Variants in NALF1 observed in about 807,000 individuals in gnomAD.
NALF1 encodes the protein family with sequence similarity 155 member A.
Under a neutral mutation model 48.4 loss-of-function variants are expected in NALF1, and 3 were observed. The observed-to-expected ratio is 0.06, with a 90% CI of 0.03 to 0.16. The LOEUF is 0.16. Among genes scored for constraint, NALF1 ranks in the 10% least tolerant of loss-of-function variants. NALF1 has a pLI of 1.00. For missense variants in NALF1, 526 were observed against 571.5 expected, an observed-to-expected ratio of 0.92 and a Z score of 0.81; for synonymous variants, 262 against 245.7, an observed-to-expected ratio of 1.07 and a Z score of -0.62.
At chr13:107,235,019 AG>A (rs1410220674) in intron 1 of NALF1, among the ~76,000 whole-genome samples, 10 of 152,136 alleles carry the variant, frequency 6.6e-5, no homozygotes, top group African/African-American at 2.4e-4. Context: ...ATCCCCATTT[AG>A]CCTTCCTTTG....
chr13:107,783,163 G>A lies in NALF1; in HGVS notation c.915+82519C>T, dbSNP rs546816085. On this transcript the variant is annotated intron_variant, in intron 1 of 2. Transcript: ENST00000375915. ...TGGGAAGTGAGGAGCCCCTCTGCCC[G>A]GCCAGCCGCCCCGTCCGGGAGGGAG... is the stretch of plus-strand genomic sequence containing the variant. Among the ~76,000 whole-genome samples, 260 of 135,664 alleles carry A rather than the reference G, an allele frequency of 1.9e-3. 3 individuals are homozygous for A. The highest frequency in any genetic ancestry group is 6.6e-3 in the African/African-American group (241 of 36,484). 89.0% of individuals were successfully genotyped at this position (135,664 alleles called of 152,430 possible).
chr13:107,552,569 T>C (rs892484239), intron 1 of NALF1, among the ~76,000 whole-genome samples: 7 of 152,126 alleles, frequency 4.6e-5, no homozygotes, highest in Non-Finnish European at 1.0e-4. Context: ...TGTATTAACA[T>C]TCTCATAAGC....
chr13:107,257,015 TGGGGA>T (rs1880829994), intron 1 of NALF1, among the ~76,000 whole-genome samples: 1 of 152,102 alleles, frequency 6.6e-6, no homozygotes, highest in Admixed American at 6.5e-5. Context: ...TCCACATGGC[TGGGGA>T]GGCCTCAGGA....
intron 1 of NALF1, among the ~76,000 whole-genome samples, chr13:107,684,143 C>T (rs1056614828): frequency 1.3e-5 from 2 of 152,206 alleles, no homozygotes; most frequent in African/African-American, 4.8e-5. Context: ...CAGAATCCAC[C>T]TCTCAGCGCT....
Position 107,210,606 on chromosome 13 carries a change from G to A in NALF1, c.1065C>T (p.Gly355=), listed in dbSNP as rs758772944. The A allele has an allele frequency of 6.2e-7, 1 of 1,613,148 alleles. No individual in the cohort carries two copies. The highest frequency in any genetic ancestry group is 8.5e-7 in the Non-Finnish European group (1 of 1,179,162). The change falls in exon 2 of 3, where the codon GGC becomes GGT. Residue 355 remains glycine, a synonymous_variant. Coordinates refer to ENST00000375915, the MANE Select transcript of NALF1 (RefSeq NM_001080396.3). ...TACCTGTACAGATGAAACTGGAGAG[G>A]CCTCCGTAGATGACTTCATCATTGT... ...LPDNDEVIYG[G]LSSFICTGLY... is the part of the protein sequence containing the mutation.
At chr13:107,222,045 A>C (rs1175331362) in intron 1 of NALF1, among the ~76,000 whole-genome samples, 1 of 152,204 alleles carries the variant, frequency 6.6e-6, no homozygotes, top group Admixed American at 6.5e-5. Flanking sequence ...AAGATTTTAA[A>C]GATGGCAAAG....
At position 107,165,578 on chromosome 13, in the gene NALF1, GT is replaced by G. The variant is rs1329268830; in HGVS notation, c.*4918del. Reference sequence around the variant, plus strand: ...GTTCATATTTTGTTTCATGCCTTAAGTTTTATTCCAAGGCTAAGAAGATTAT... The same window carrying G: ...GTTCATATTTTGTTTCATGCCTTAAGTTTATTCCAAGGCTAAGAAGATTAT... On this transcript the variant is annotated 3_prime_UTR_variant, in exon 3 of 3. Coordinates refer to ENST00000375915, the MANE Select transcript of NALF1 (RefSeq NM_001080396.3). 6.6e-6 allele frequency: 1 copy of G among 152,130 alleles called. No individual in the cohort carries two copies. Among genetic ancestry groups the G allele is most frequent in the Non-Finnish European group, 1.5e-5 (1 of 68,012 alleles). 9.4% of individuals were successfully genotyped at this position (152,130 alleles called of 1,614,324 possible). A position where few individuals can be genotyped will look rare whatever the true frequency, so the allele number is the denominator to read the frequency against.
intron 1 of NALF1, among the ~76,000 whole-genome samples, chr13:107,329,187 A>G (rs995123859): frequency 6.6e-6 from 1 of 152,244 alleles, no homozygotes; most frequent in African/African-American, 2.4e-5. Flanking sequence ...TGCTTTAAAC[A>G]TAAAATTTTT....
chr13:107,468,027 G>C (rs1483507350), intron 1 of NALF1, among the ~76,000 whole-genome samples: 1 of 141,382 alleles, frequency 7.1e-6, no homozygotes, highest in Non-Finnish European at 1.5e-5. Flanking sequence ...CAGCCTGGGC[G>C]ACAGAGCGAG....
chr13:107,302,009 T>C (rs1209426510), intron 1 of NALF1, among the ~76,000 whole-genome samples: 2 of 152,204 alleles, frequency 1.3e-5, no homozygotes, highest in Non-Finnish European at 2.9e-5. Flanking sequence ...AGGAGAAGCC[T>C]TTAAGAGGTA....
chr13:107,783,280 A>G (rs1291099217), intron 1 of NALF1, among the ~76,000 whole-genome samples: 2 of 143,226 alleles, frequency 1.4e-5, no homozygotes, highest in African/African-American at 2.6e-5. Flanking sequence ...CCCGTCCGGG[A>G]GGTGAGGGGC....
intron 1 of NALF1, among the ~76,000 whole-genome samples, chr13:107,568,377 G>A (rs960200020): frequency 1.2e-4 from 19 of 152,316 alleles, no homozygotes; most frequent in African/African-American, 4.6e-4. Context: ...ATCATTTCCT[G>A]TTAGGGGCTA....
At chr13:107,632,813 A>T (rs562169939) in intron 1 of NALF1, among the ~76,000 whole-genome samples, 1 of 152,178 alleles carries the variant, frequency 6.6e-6, no homozygotes, top group Non-Finnish European at 1.5e-5. Flanking sequence ...TGAGGGAATA[A>T]ATGGAATATG....
intron 1 of NALF1, among the ~76,000 whole-genome samples, chr13:107,817,266 C>G (rs1285425189): frequency 6.6e-6 from 1 of 152,184 alleles, no homozygotes; most frequent in Non-Finnish European, 1.5e-5. Context: ...ATGCAGTATA[C>G]TTGAAATTGT....
At chr13:107,693,337 C>CGGG (rs140909907) in intron 1 of NALF1, among the ~76,000 whole-genome samples, 1 of 128,646 alleles carries the variant, frequency 7.8e-6, no homozygotes. Flanking sequence ...GTAGGGGGGG[C>CGGG]GGGAGGGATA....
chr13:107,411,542 C>G (rs2139000824), intron 1 of NALF1, among the ~76,000 whole-genome samples: 1 of 152,248 alleles, frequency 6.6e-6, no homozygotes, highest in Non-Finnish European at 1.5e-5. Flanking sequence ...TTGTTCAACT[C>G]TCACTGAGCT....
intron 1 of NALF1, among the ~76,000 whole-genome samples, chr13:107,568,839 G>A: frequency 6.6e-6 from 1 of 152,054 alleles, no homozygotes; most frequent in Non-Finnish European, 1.5e-5. Context: ...TAAATACAAG[G>A]TCATTGTCAG....
intron 1 of NALF1, among the ~76,000 whole-genome samples, chr13:107,446,162 C>A (rs551258450): frequency 1.2e-3 from 176 of 152,250 alleles, no homozygotes; most frequent in South Asian, 3.5e-3. Flanking sequence ...TGGTCTCGAT[C>A]TCTTGACCTT....
chr13:107,562,529 T>G (rs1226493362), intron 1 of NALF1, among the ~76,000 whole-genome samples: 2 of 152,200 alleles, frequency 1.3e-5, no homozygotes, highest in Admixed American at 6.5e-5. Context: ...CTGATATCAA[T>G]ACAAACGTTT....
Sources: allele counts gnomAD v4.1 joint callset (sites outside exome capture counted in the v4.1 genomes callset), GRCh38; gene constraint gnomAD v4.1.1; transcripts MANE v1.5; gene names NCBI Gene and HGNC (gene_info 2026-07-23, HGNC 2026-07-21).